Variants in DLGAP2 observed in about 807,000 individuals in gnomAD.
The protein encoded by DLGAP2 is DLG associated protein 2.
A neutral mutation model predicts 100.3 loss-of-function variants in DLGAP2; 26 were observed. The ratio of observed to expected loss-of-function variants is 0.26; its 90% CI spans 0.19 to 0.36. DLGAP2 has a LOEUF of 0.36. Ranked by LOEUF, DLGAP2 falls within the 10% of genes least tolerant of loss-of-function variation. The pLI is 1.00. For missense variants in DLGAP2, 1,858 were observed against 1,453.2 expected (o/e 1.28, Z -4.53); for synonymous variants, 886 against 630.1 (o/e 1.41, Z -6.08).
intron 6 of DLGAP2, among the ~76,000 whole-genome samples, chr8:1,584,528 C>G (rs1053081797): frequency 2.6e-5 from 4 of 152,130 alleles, no homozygotes; most frequent in Admixed American, 6.5e-5. Flanking sequence ...TGGAGGGAAG[C>G]GGAGGGGAGA....
chr8:1,097,068 C>A (rs1321945932), intron 2 of DLGAP2, among the ~76,000 whole-genome samples: 1 of 141,800 alleles, frequency 7.1e-6, no homozygotes, highest in African/African-American at 2.7e-5. Flanking sequence ...GAGGTCCCCT[C>A]CAGTGTGAGA....
intron 2 of DLGAP2, among the ~76,000 whole-genome samples, chr8:1,135,871 C>G (rs909969791): frequency 3.9e-5 from 6 of 152,122 alleles, no homozygotes; most frequent in Admixed American, 2.0e-4. Flanking sequence ...CAGGAATCAT[C>G]GCAGGGAAGG....
At chr8:1,542,520 C>T (rs568846725) in intron 4 of DLGAP2, among the ~76,000 whole-genome samples, 3 of 152,170 alleles carry the variant, frequency 2.0e-5, no homozygotes, top group Non-Finnish European at 4.4e-5. Flanking sequence ...TGGCTTCTTT[C>T]CCATGGCATA....
chr8:851,318 C>T (rs1397354678), intron 1 of DLGAP2, among the ~76,000 whole-genome samples: 1 of 152,196 alleles, frequency 6.6e-6, no homozygotes, highest in Admixed American at 6.5e-5. Flanking sequence ...CCTGGTGACG[C>T]ATGTCTCAGG....
intron 3 of DLGAP2, among the ~76,000 whole-genome samples, chr8:1,436,166 G>C (rs887223207): frequency 6.6e-6 from 1 of 152,208 alleles, no homozygotes; most frequent in Non-Finnish European, 1.5e-5. Context: ...CCGTCTGCAA[G>C]CTGAGGAACC....
intron 3 of DLGAP2, among the ~76,000 whole-genome samples, chr8:1,370,106 A>G (rs556246158): frequency 3.9e-5 from 6 of 152,234 alleles, no homozygotes; most frequent in African/African-American, 1.2e-4. Context: ...TTTCTCCCAC[A>G]GGTCTTCGGA....
chr8:823,969 G>A (rs927356011), intron 1 of DLGAP2, among the ~76,000 whole-genome samples: 1 of 152,148 alleles, frequency 6.6e-6, no homozygotes, highest in African/African-American at 2.4e-5. Context: ...AGGGGAAGTT[G>A]CAATCACATT....
intron 8 of DLGAP2, among the ~76,000 whole-genome samples, chr8:1,636,337 G>C (rs1289425316): frequency 1.3e-5 from 2 of 152,090 alleles, no homozygotes; most frequent in African/African-American, 4.8e-5. Flanking sequence ...TAGAAAGCAT[G>C]GCAGAGGAAA....
At position 1,706,883 on chromosome 8, in the gene DLGAP2, G is replaced by A. The variant is rs368133231; in HGVS notation, c.*5477G>A. 6.6e-6 allele frequency: 1 copy of A among 152,198 alleles called. No homozygotes were observed. Among genetic ancestry groups the A allele is most frequent in the East Asian group, 1.9e-4 (1 of 5,192 alleles). 9.4% of individuals were successfully genotyped at this position (152,198 alleles called of 1,614,324 possible). A position where few individuals can be genotyped will look rare whatever the true frequency, so the allele number is the denominator to read the frequency against. ...TACTTCGCACTTGAGAGAAGGCAGA[G>A]GTGGTCCGTGGGAAAGCTCCGGGAA... On this transcript the variant is annotated 3_prime_UTR_variant, in exon 15 of 15. Coordinates refer to ENST00000637795, the MANE Select transcript of DLGAP2 (RefSeq NM_001346810.2).
At chr8:779,619 A>G (rs1476990414) in intron 1 of DLGAP2, among the ~76,000 whole-genome samples, 1 of 151,872 alleles carries the variant, frequency 6.6e-6, no homozygotes, top group Non-Finnish European at 1.5e-5. Flanking sequence ...ATAAGCCACC[A>G]TGCCTAGCCT....
intron 2 of DLGAP2, among the ~76,000 whole-genome samples, chr8:1,178,582 C>T (rs910088993): frequency 6.6e-6 from 1 of 151,758 alleles, no homozygotes. Flanking sequence ...TTAGACATCT[C>T]TCTTTTTTTT....
intron 2 of DLGAP2, among the ~76,000 whole-genome samples, chr8:1,184,718 G>T (rs920101395): frequency 9.2e-5 from 14 of 152,204 alleles, no homozygotes; most frequent in African/African-American, 3.4e-4. Context: ...GCTCAGGGCA[G>T]CTGTAGCCTG....
chr8:1,002,344 A>G (rs1800984433), intron 2 of DLGAP2: 10 of 152,222 alleles, frequency 6.6e-5, no homozygotes, highest in Non-Finnish European at 1.5e-5. Flanking sequence ...AGATTAGCCC[A>G]TTTAACTTGT....
chr8:1,336,609 C>T (rs1011612225), intron 3 of DLGAP2, among the ~76,000 whole-genome samples: 2 of 152,170 alleles, frequency 1.3e-5, no homozygotes, highest in African/African-American at 4.8e-5. Context: ...GCCTGGACAC[C>T]AGCAGCCTCT....
At chr8:978,541 A>G (rs113074189) in intron 2 of DLGAP2, among the ~76,000 whole-genome samples, 90 of 15,364 alleles carry the variant, frequency 5.9e-3, no homozygotes, top group Admixed American at 0.011. Flanking sequence ...ATGCAGTGAG[A>G]GGGTGGGTTC....
At chr8:1,168,751 G>C (rs62488960) in intron 2 of DLGAP2, among the ~76,000 whole-genome samples, 2 of 138,400 alleles carry the variant, frequency 1.4e-5, no homozygotes, top group African/African-American at 5.8e-5. Flanking sequence ...TCGTAAATTT[G>C]TTTGAGTTCA....
intron 1 of DLGAP2, among the ~76,000 whole-genome samples, chr8:821,259 A>T (rs921554623): frequency 6.6e-6 from 1 of 152,216 alleles, no homozygotes; most frequent in Admixed American, 6.5e-5. Flanking sequence ...AATGTTCAGC[A>T]GCCCTGACCT....
chr8:1,644,854 A>T (rs1798004299), intron 8 of DLGAP2, among the ~76,000 whole-genome samples: 1 of 152,260 alleles, frequency 6.6e-6, no homozygotes, highest in South Asian at 2.1e-4. Flanking sequence ...TTAAAAACAA[A>T]TTATTTAGAT....
intron 2 of DLGAP2, among the ~76,000 whole-genome samples, chr8:1,214,805 C>T (rs1403896042): frequency 6.6e-6 from 1 of 152,214 alleles, no homozygotes; most frequent in African/African-American, 2.4e-5. Context: ...TTCTAATTAG[C>T]CTTGACTTCC....
Sources: gnomAD v4.1 joint callset for allele counts (sites outside exome capture counted in the v4.1 genomes callset) on GRCh38, gnomAD v4.1.1 for gene constraint, MANE v1.5 for transcripts, NCBI Gene and HGNC (gene_info 2026-07-23, HGNC 2026-07-21) for gene names.